The following MGAT4C variants were observed in gnomAD, a reference collection of about 807,000 sequenced individuals.
MGAT4C encodes MGAT4 family member C.
In MGAT4C, 19 loss-of-function variants were observed where a neutral mutation model predicts 40.1. The ratio of observed to expected loss-of-function variants is 0.47; its 90% CI spans 0.33 to 0.70. MGAT4C has a LOEUF of 0.70. Among genes scored for constraint, MGAT4C ranks in the 30% least tolerant of loss-of-function variants. MGAT4C has a pLI of 0.02. For missense variants in MGAT4C, 491 were observed against 563.2 expected (o/e 0.87, Z 1.30); for synonymous variants, 181 against 187.1 (o/e 0.97, Z 0.27).
chr12:86,764,671 C>T (rs966431200), intron 1 of MGAT4C, among the ~76,000 whole-genome samples: 1 of 151,756 alleles, frequency 6.6e-6, no homozygotes, highest in African/African-American at 2.4e-5. Context: ...GACAAAACTT[C>T]CAGAGGAACA....
chr12:86,295,532 G>A (rs891174470), intron 4 of MGAT4C, among the ~76,000 whole-genome samples: 1 of 152,138 alleles, frequency 6.6e-6, no homozygotes, highest in African/African-American at 2.4e-5. Context: ...GCAGTAGCAA[G>A]ATTTATTGCA....
At chr12:85,993,651 G>A (rs532095273) in intron 2 of MGAT4C, among the ~76,000 whole-genome samples, 5 of 152,270 alleles carry the variant, frequency 3.3e-5, no homozygotes, top group African/African-American at 1.2e-4. Context: ...GGAGGGGGCT[G>A]CAAAAATGGG....
At chr12:86,514,545 T>C (rs1411299063) in intron 2 of MGAT4C, among the ~76,000 whole-genome samples, 2 of 152,214 alleles carry the variant, frequency 1.3e-5, no homozygotes, top group East Asian at 3.8e-4. Context: ...TGCCTCATTC[T>C]TCCATTACTA....
intron 2 of MGAT4C, among the ~76,000 whole-genome samples, chr12:86,502,760 C>T (rs866383688): frequency 1.6e-5 from 1 of 64,032 alleles, no homozygotes. Flanking sequence ...GAGTTCTGCT[C>T]ATATATATGT....
intron 3 of MGAT4C, among the ~76,000 whole-genome samples, chr12:86,342,058 G>T (rs551544851): frequency 2.0e-5 from 3 of 151,996 alleles, no homozygotes; most frequent in African/African-American, 7.2e-5. Flanking sequence ...TTCTCTCTGG[G>T]GGGGACCTCT....
chr12:86,379,720 ATTAT>A (rs1484816102), intron 3 of MGAT4C, among the ~76,000 whole-genome samples: 1 of 152,158 alleles, frequency 6.6e-6, no homozygotes, highest in Non-Finnish European at 1.5e-5. Context: ...ATTAATTAAA[ATTAT>A]ACTTTCAGTC....
intron 1 of MGAT4C, among the ~76,000 whole-genome samples, chr12:86,206,216 T>A (rs891154160): frequency 1.2e-4 from 19 of 152,156 alleles, no homozygotes; most frequent in Non-Finnish European, 2.4e-4. Context: ...CAACAATTTT[T>A]ATGAAACACT....
chr12:86,590,706 G>T (rs1044892220), intron 2 of MGAT4C, among the ~76,000 whole-genome samples: 1 of 151,978 alleles, frequency 6.6e-6, no homozygotes, highest in South Asian at 2.1e-4. Flanking sequence ...AAAAAAAATT[G>T]AGAGATCAGA....
rs375067151 is a variant in MGAT4C at position 86,553,000 on chromosome 12, TA to T, written c.-228-117736del. 3.1e-3 allele frequency among the ~76,000 whole-genome samples: 465 copies of T among 152,236 alleles called. 1 individual carries two copies. The highest frequency in any genetic ancestry group is 6.8e-3 in the Middle Eastern group (2 of 294). On this transcript the variant is annotated intron_variant, in intron 2 of 7. Coordinates refer to the MGAT4C transcript ENST00000548651. ...CATTCTAGTTTGATATTAGCCATAA[TA>T]TTTTTTCTTAGTGATGAAGAATACA...
chr12:86,139,029 T>C (rs369452569), intron 1 of MGAT4C, among the ~76,000 whole-genome samples: 1 of 152,176 alleles, frequency 6.6e-6, no homozygotes, highest in African/African-American at 2.4e-5. Flanking sequence ...ATCATCTTCC[T>C]GGGTCCTCAT....
intron 3 of MGAT4C, among the ~76,000 whole-genome samples, chr12:86,389,418 C>T (rs1220153307): frequency 6.6e-6 from 1 of 152,090 alleles, no homozygotes; most frequent in African/African-American, 2.4e-5. Flanking sequence ...TCTATATGTA[C>T]CACATTTTCT....
In MGAT4C at chr12:86,295,067, G is replaced by A. The variant is rs1340843142; in HGVS notation, c.-57+38998C>T. On this transcript the variant is annotated intron_variant, in intron 4 of 7. Transcript: ENST00000548651. ...AGAATGGTTCTTTAAAGCACAAAAT[G>A]GTCCTATAATAATAATGCCTTTGCT... Among the ~76,000 whole-genome samples the A allele has an allele frequency of 1.3e-5, 2 of 152,060 alleles. 1 individual carries two copies. Among genetic ancestry groups the A allele is most frequent in the African/African-American group, 4.8e-5 (2 of 41,380 alleles).
intron 2 of MGAT4C, among the ~76,000 whole-genome samples, chr12:86,625,207 G>A (rs1016930876): frequency 1.3e-5 from 2 of 152,010 alleles, no homozygotes; most frequent in Non-Finnish European, 2.9e-5. Flanking sequence ...GAAGGTGCCT[G>A]GTTCCTTTCC....
chr12:86,699,909 G>C (rs569238622), intron 2 of MGAT4C, among the ~76,000 whole-genome samples: 1 of 151,944 alleles, frequency 6.6e-6, no homozygotes, highest in African/African-American at 2.4e-5. Context: ...GGCAAAAGAG[G>C]TGGAGGAGGT....
chr12:86,080,145 G>A (rs1306632694), intron 1 of MGAT4C, among the ~76,000 whole-genome samples: 2 of 151,868 alleles, frequency 1.3e-5, no homozygotes, highest in East Asian at 1.9e-4. Context: ...TCTCATTTTC[G>A]CTTTTGTTTC....
rs140062241 is a variant in MGAT4C at position 86,480,478 on chromosome 12, G to GT, written c.-228-45214dup. Among the ~76,000 whole-genome samples the GT allele has an allele frequency of 1.5e-3, 197 of 129,232 alleles. 1 individual carries two copies. The highest frequency in any genetic ancestry group is 2.1e-3 in the Non-Finnish European group (116 of 54,480). The allele number at this position is 129,232 out of a possible 152,430, so 84.8% of individuals were successfully genotyped here. A position where few individuals can be genotyped will look rare whatever the true frequency, so the allele number is the denominator to read the frequency against. ...GATATGTACACATATACATATGTAT[G>GT]TATACATATATAGATATGTACACAT... On this transcript the variant is annotated intron_variant, in intron 2 of 7. Coordinates refer to the MGAT4C transcript ENST00000548651.
At chr12:86,696,123 A>T (rs1294210210) in intron 2 of MGAT4C, among the ~76,000 whole-genome samples, 1 of 151,906 alleles carries the variant, frequency 6.6e-6, no homozygotes, top group African/African-American at 2.4e-5. Context: ...AAGGCAGGAG[A>T]GTTGCTTGAA....
At chr12:86,293,505 T>C (rs1953578396) in intron 4 of MGAT4C, among the ~76,000 whole-genome samples, 1 of 152,210 alleles carries the variant, frequency 6.6e-6, no homozygotes. Context: ...CTGAAAAATG[T>C]GTACTCTACC....
intron 1 of MGAT4C, among the ~76,000 whole-genome samples, chr12:86,119,856 A>G (rs149051775): frequency 0.016 from 2,406 of 151,374 alleles, 21 homozygotes; most frequent in Non-Finnish European, 0.023. Context: ...GCCCCACTGC[A>G]TCTGGCTTTT....
Sources: gnomAD v4.1 joint callset for allele counts (sites outside exome capture counted in the v4.1 genomes callset) on GRCh38, gnomAD v4.1.1 for gene constraint, MANE v1.5 for transcripts, NCBI Gene and HGNC (gene_info 2026-07-23, HGNC 2026-07-21) for gene names.